The following ABCC11 variants were observed in gnomAD, a reference collection of about 807,000 sequenced individuals.
ABCC11 encodes ATP binding cassette subfamily C member 11.
ABCC11 carries 135 observed loss-of-function variants against 149.3 expected under a neutral mutation model. That is an observed-to-expected ratio of 0.90 (90% CI 0.79 to 1.04). ABCC11 has a LOEUF of 1.04. Ranked by LOEUF, ABCC11 falls within the 50% of genes least tolerant of loss-of-function variation. The pLI is 0.00. For missense variants in ABCC11, 1,680 were observed against 1,722.1 expected (o/e 0.98, Z 0.43); for synonymous variants, 665 against 671.4 (o/e 0.99, Z 0.15).
rs560053991 is a variant in ABCC11 at position 48,190,756 on chromosome 16, T to C, written c.2706+1764A>G. 3.3e-5 allele frequency among the ~76,000 whole-genome samples: 5 copies of C among 152,338 alleles called. No individual in the cohort carries two copies. In the East Asian group the frequency reaches 9.6e-4, roughly 29 times the overall value. ...TATGTAAAATGAGGATAATATCCAC[T>C]TCAAAGAGAACTCAGGGCAATCATA... On this transcript the variant is annotated intron_variant, in intron 20 of 29. Coordinates refer to ENST00000356608, the MANE Select transcript of ABCC11 (RefSeq NM_001370497.1).
chr16:48,220,576 C>T (rs149605885), intron 6 of ABCC11, among the ~76,000 whole-genome samples: 4 of 152,274 alleles, frequency 2.6e-5, no homozygotes, highest in East Asian at 1.9e-4. Context: ...CCACTACCCC[C>T]GTCTACATGC....
rs1003625606 is a variant in ABCC11, at chr16:48,237,077, A to C, written c.-18-5138T>G. On this transcript the variant is annotated intron_variant, in intron 1 of 29. Coordinates refer to ENST00000356608, the MANE Select transcript of ABCC11 (RefSeq NM_001370497.1). ...AAAATTATTAAACATTAGTGTTTTAAAAATATACCATAAAGTTTGTAAGCT... is the reference window on the plus strand; with the variant it reads ...AAAATTATTAAACATTAGTGTTTTACAAATATACCATAAAGTTTGTAAGCT... 2.0e-5 allele frequency among the ~76,000 whole-genome samples: 3 copies of C among 152,244 alleles called. No homozygotes were observed. In the East Asian group the frequency reaches 5.8e-4, roughly 29 times the overall value.
At chr16:48,210,635 A>G (rs1254913275) in intron 11 of ABCC11, 2 of 341,768 alleles carry the variant, frequency 5.9e-6, no homozygotes, top group East Asian at 1.0e-4. Flanking sequence ...CGAGGAATGT[A>G]ATAAATGTTA....
chr16:48,183,891 G>A (rs552129288), intron 23 of ABCC11, among the ~76,000 whole-genome samples: 41 of 152,252 alleles, frequency 2.7e-4, no homozygotes, highest in Non-Finnish European at 4.7e-4. Context: ...CAAACCCCCC[G>A]GCTAAGGTCC....
intron 23 of ABCC11, among the ~76,000 whole-genome samples, chr16:48,180,038 C>T (rs1481461872): frequency 6.6e-6 from 1 of 152,204 alleles, no homozygotes; most frequent in East Asian, 1.9e-4. Context: ...CACTTTTCCT[C>T]CCATCCCTCA....
chr16:48,225,517 G>T (rs893095774), intron 4 of ABCC11, among the ~76,000 whole-genome samples: 1 of 152,192 alleles, frequency 6.6e-6, no homozygotes, highest in Non-Finnish European at 1.5e-5. Context: ...CCATGGTGTT[G>T]TCTAACATAA....
At chr16:48,184,164 C>T (rs1348670541) in intron 23 of ABCC11, among the ~76,000 whole-genome samples, 2 of 152,222 alleles carry the variant, frequency 1.3e-5, no homozygotes, top group African/African-American at 4.8e-5. Context: ...GCATAATATG[C>T]ACACTGGACT....
chr16:48,171,964 GAACAA>G (rs537090360), intron 26 of ABCC11, among the ~76,000 whole-genome samples: 2 of 152,106 alleles, frequency 1.3e-5, no homozygotes, highest in Middle Eastern at 3.4e-3. Context: ...CTCGGTCTCA[GAACAA>G]AACAAAACAA....
chr16:48,229,211 T>C (rs1237371057), intron 3 of ABCC11, among the ~76,000 whole-genome samples: 1 of 152,054 alleles, frequency 6.6e-6, no homozygotes, highest in Non-Finnish European at 1.5e-5. Flanking sequence ...CCAGTGCTAA[T>C]ATCTTAAAGC....
At chr16:48,195,260 TG>T (rs1967291601) in intron 18 of ABCC11, among the ~76,000 whole-genome samples, 2 of 152,210 alleles carry the variant, frequency 1.3e-5, no homozygotes, top group South Asian at 4.1e-4. Context: ...CTCTAGAGCT[TG>T]GCACAGTGCC....
At chr16:48,229,324 C>T (rs554105564) in intron 3 of ABCC11, among the ~76,000 whole-genome samples, 2 of 151,776 alleles carry the variant, frequency 1.3e-5, no homozygotes, top group African/African-American at 4.8e-5. Context: ...AATATGGTAA[C>T]AATGTAACTA....
chr16:48,201,860 T>C (rs1434354841), intron 14 of ABCC11, among the ~76,000 whole-genome samples: 1 of 152,188 alleles, frequency 6.6e-6, no homozygotes, highest in Non-Finnish European at 1.5e-5. Flanking sequence ...AGCTGGCCCA[T>C]CCCTCCTTGA....
In ABCC11 at chr16:48,216,229, G is replaced by A. The variant is rs61739612; in HGVS notation, c.836C>T (p.Pro279Leu). ...NYLFEGVCYG[P>L]LVLITCASLV... ...CGATGCGCAGGTGATCAGTACTAGG[G>A]GTCCATAGCACACCCCTTCAAACAG... The change falls in exon 7 of 30, where the codon CCC becomes CTC. Residue 279 changes from proline to leucine, a missense_variant. Coordinates refer to ENST00000356608, the MANE Select transcript of ABCC11 (RefSeq NM_001370497.1). The A allele has an allele frequency of 1.3e-3, 2,110 of 1,614,062 alleles. 3 individuals carry two copies. Among genetic ancestry groups the A allele is most frequent in the Non-Finnish European group, 1.7e-3 (1,986 of 1,179,992 alleles).
intron 20 of ABCC11, among the ~76,000 whole-genome samples, chr16:48,190,601 C>T (rs970201402): frequency 1.3e-5 from 2 of 152,164 alleles, no homozygotes; most frequent in African/African-American, 4.8e-5. Context: ...TGAGCTCAAG[C>T]AATCCACTCA....
At chr16:48,231,688 A>T in intron 2 of ABCC11, 135 bp downstream of exon 2, 1 of 1,182,516 alleles carries the variant, frequency 8.5e-7, no homozygotes, top group Non-Finnish European at 1.1e-6. Context: ...AGAGAGAGAG[A>T]GAGCAAAAAG....
At chr16:48,201,004 T>C (rs1967922611) in intron 14 of ABCC11, among the ~76,000 whole-genome samples, 1 of 152,142 alleles carries the variant, frequency 6.6e-6, no homozygotes, top group Non-Finnish European at 1.5e-5. Context: ...CATGTACAAA[T>C]ATTATGCATC....
intron 26 of ABCC11, among the ~76,000 whole-genome samples, chr16:48,173,602 AC>A (rs1457131699): frequency 6.6e-6 from 1 of 151,942 alleles, no homozygotes; most frequent in African/African-American, 2.4e-5. Context: ...CCCTAACACA[AC>A]CATTTTTTTG....
At chr16:48,222,275 T>C (rs1969795804) in intron 6 of ABCC11, among the ~76,000 whole-genome samples, 1 of 151,610 alleles carries the variant, frequency 6.6e-6, no homozygotes, top group Admixed American at 6.6e-5. Context: ...ACGGAGTCTT[T>C]CCATGTTGCC....
At chr16:48,184,304 A>G in intron 23 of ABCC11, 136 bp downstream of exon 23, 1 of 1,072,420 alleles carries the variant, frequency 9.3e-7, no homozygotes, top group East Asian at 2.5e-5. Context: ...AAGGCCAAGC[A>G]CATAGCTCCT....
Sources: allele counts gnomAD v4.1 joint callset (sites outside exome capture counted in the v4.1 genomes callset), GRCh38; gene constraint gnomAD v4.1.1; transcripts MANE v1.5; gene names NCBI Gene and HGNC (gene_info 2026-07-23, HGNC 2026-07-21).